The following ZNF843 variants were observed in gnomAD, a reference collection of about 807,000 sequenced individuals.
The protein encoded by ZNF843 is zinc finger protein 843.
For synonymous variants in ZNF843, 185 were observed against 207.7 expected (o/e 0.89, Z 0.94); for missense variants, 482 against 469.4 (o/e 1.03, Z -0.25).
In ZNF843 at chr16:31,437,029, C is replaced by T. The variant is rs1443992483; in HGVS notation, c.-180G>A. The T allele has an allele frequency of 3.3e-6, 2 of 605,934 alleles. No homozygotes were observed. The highest frequency in any genetic ancestry group is 5.7e-5 in the East Asian group (2 of 35,272). 37.5% of individuals were successfully genotyped at this position (605,934 alleles called of 1,614,324 possible). ...CTGGAGAGTTCTCTAATGTAAGACG[C>T]TGGGCAATGTCATCTGAAGGTGTTT... On this transcript the variant is annotated 5_prime_UTR_variant, in exon 2 of 2. Transcript: ENST00000315678.
In ZNF843 at chr16:31,435,902, T is replaced by G. The variant is rs1640901762; in HGVS notation, c.948A>C (p.Arg316=). Residue 316 remains arginine (R), a synonymous_variant, in exon 2 of 2, where the codon CGA becomes CGC. Coordinates refer to ENST00000315678, the MANE Select transcript of ZNF843 (RefSeq NM_001136509.3). ...EARARLQRQC[R]APPPPSNPHW... ...GTGGGTTCGAGGGCGGTGGAGGAGCTCGGCACTGTCGCTGAAGCCTGGCCC... is the reference window on the plus strand; with the variant it reads ...GTGGGTTCGAGGGCGGTGGAGGAGCGCGGCACTGTCGCTGAAGCCTGGCCC... The G allele has an allele frequency of 1.3e-6, 2 of 1,544,334 alleles. No homozygotes were observed. Among genetic ancestry groups the G allele is most frequent in the Non-Finnish European group, 1.7e-6 (2 of 1,143,608 alleles).
chr16:31,442,910 C>T (rs1398710547), upstream of ZNF843: 1 of 152,280 alleles, frequency 6.6e-6, no homozygotes, highest in Non-Finnish European at 1.5e-5. Context: ...TCTCGGGCGT[C>T]CTCCCTAACC....
At position 31,436,471 on chromosome 16, in the gene ZNF843, C is replaced by T. The variant is rs2082181859; in HGVS notation, c.379G>A (p.Gly127Arg). Residue 127 changes from glycine (G) to arginine (R), a missense_variant, in exon 2 of 2, where the codon GGA (glycine) becomes AGA (arginine). Physicochemically the swap from Gly to Arg is moderately radical, Grantham distance 125 (BLOSUM62 -2). Transcript: ENST00000315678. ...GGTGGCCGATCAGCTTCCACCGGTC[C>T]CCAAAAACCTGCTGGTACTGGGGAC... ...RLSPVPAGFWGPVEADRPPAN... is the reference protein window; with the variant it reads ...RLSPVPAGFWRPVEADRPPAN... The T allele has an allele frequency of 1.3e-6, 2 of 1,551,558 alleles. No homozygotes were observed. The highest frequency in any genetic ancestry group is 1.4e-5 in the African/African-American group (1 of 73,066).
chr16:31,436,685 G>A lies in ZNF843; in HGVS notation c.165C>T (p.His55=). 2.6e-6 allele frequency: 4 copies of A among 1,551,318 alleles called. No individual in the cohort carries two copies. The highest frequency in any genetic ancestry group is 1.2e-5 in the South Asian group (1 of 84,064). ...GCGACAAGGTCTCTCGCCAGTCGCT[G>A]TGGACCCGCCAGTGCTGGAGGAGGG... The part of the protein sequence containing the change: ...SASLLQHWRV[H]SDWRETLSLS... Residue 55 remains histidine, a synonymous_variant, in exon 2 of 2, where the codon CAC becomes CAT. Coordinates refer to ENST00000315678, the MANE Select transcript of ZNF843 (RefSeq NM_001136509.3).
chr16:31,442,451 G>C (rs918185377), intron 1 of ZNF843, among the ~76,000 whole-genome samples, 185 bp downstream of exon 1: 3 of 152,206 alleles, frequency 2.0e-5, no homozygotes, highest in South Asian at 2.1e-4. Flanking sequence ...CTCCCGAGTA[G>C]CTGGGACCAC....
At chr16:31,437,468 ATTT>A (rs554255057) in intron 1 of ZNF843, among the ~76,000 whole-genome samples, 10 of 121,528 alleles carry the variant, frequency 8.2e-5, no homozygotes, top group African/African-American at 1.8e-4. Context: ...TAGGCCCAGC[ATTT>A]TTTTTTTTTT....
rs1241010051 is a variant in ZNF843 at position 31,437,016 on chromosome 16, C to G, written c.-167G>C. The G allele has an allele frequency of 1.6e-5, 10 of 637,292 alleles. No homozygotes were observed. The highest frequency in any genetic ancestry group is 2.5e-5 in the Non-Finnish European group (9 of 362,634). 39.5% of individuals were successfully genotyped at this position (637,292 alleles called of 1,614,324 possible). A position where few individuals can be genotyped will look rare whatever the true frequency, so the allele number is the denominator to read the frequency against. ...CCTCGGGGGCTGTCTGGAGAGTTCT[C>G]TAATGTAAGACGCTGGGCAATGTCA... On this transcript the variant is annotated 5_prime_UTR_variant, in exon 2 of 2. An upstream open reading frame in the 5' UTR loses its in-frame stop. Coordinates refer to ENST00000315678, the MANE Select transcript of ZNF843 (RefSeq NM_001136509.3).
rs908089094 is a variant in ZNF843, at chr16:31,436,011, C to T, written c.839G>A (p.Arg280Gln). Residue 280 changes from arginine to glutamine, a missense_variant, in exon 2 of 2, where the codon CGG becomes CAG. Arg to Gln is a conservative substitution (Grantham distance 43). Coordinates refer to ENST00000315678, the MANE Select transcript of ZNF843 (RefSeq NM_001136509.3). ...GTAGCCTGGGGCCTGAACCGCCTCC[C>T]GCGAGTCCCGTCCCGCGCTCGCACA... ...RSCASAGRDS[R>Q]EAVQAPGYPE... 3 of 1,525,094 alleles carry T rather than the reference C, an allele frequency of 2.0e-6. No homozygotes were observed. The highest frequency in any genetic ancestry group is 4.1e-5 in the Admixed American group (2 of 48,388). 94.5% of individuals were successfully genotyped at this position (1,525,094 alleles called of 1,614,324 possible). A position where few individuals can be genotyped will look rare whatever the true frequency, so the allele number is the denominator to read the frequency against.
chr16:31,436,972 A>T lies in ZNF843; in HGVS notation c.-123T>A. 1 of 936,794 alleles carries T rather than the reference A, an allele frequency of 1.1e-6. No homozygotes were observed. The allele number at this position is 936,794 out of a possible 1,614,324, so 58.0% of individuals were successfully genotyped here. ...CGTGGCCACGAGCTCACAGTCTGGGAGCAGCACCCGGCCCCAGGCCTCGGG... is the reference window on the plus strand; with the variant it reads ...CGTGGCCACGAGCTCACAGTCTGGGTGCAGCACCCGGCCCCAGGCCTCGGG... On this transcript the variant is annotated 5_prime_UTR_variant, in exon 2 of 2. Transcript: ENST00000315678.
chr16:31,441,745 C>T (rs1211901442), intron 1 of ZNF843, among the ~76,000 whole-genome samples: 1 of 152,136 alleles, frequency 6.6e-6, no homozygotes, highest in Non-Finnish European at 1.5e-5. Context: ...CCTTGGCTTC[C>T]CGAAGTGCTG....
In ZNF843 at chr16:31,436,278, T is replaced by C; in HGVS notation, c.572A>G (p.Asp191Gly). 5.8e-6 allele frequency: 9 copies of C among 1,549,074 alleles called. 1 individual carries two copies. Among genetic ancestry groups the C allele is most frequent in the Non-Finnish European group, 7.0e-6 (8 of 1,145,630 alleles). ...VSLAPSSVAP[D>G]STSGLRPCGS... ...ACAGGGCCGGAGCCCAGAGGTGCTG[T>C]CCGGGGCGACTGAGCTGGGTGCGAG... Residue 191 changes from aspartate to glycine, a missense_variant, in exon 2 of 2, where the codon GAC becomes GGC. Asp to Gly is a moderately conservative substitution (Grantham distance 94, BLOSUM62 -1). Coordinates refer to ENST00000315678, the MANE Select transcript of ZNF843 (RefSeq NM_001136509.3).
chr16:31,441,587 C>T (rs141984294), intron 1 of ZNF843, among the ~76,000 whole-genome samples: 1 of 152,064 alleles, frequency 6.6e-6, no homozygotes, highest in Admixed American at 6.5e-5. Flanking sequence ...TGGGCTCAAG[C>T]GGTCCTCCCT....
chr16:31,436,144 C>G lies in ZNF843; in HGVS notation c.706G>C (p.Gly236Arg). 1 of 1,547,102 alleles carries G rather than the reference C, an allele frequency of 6.5e-7. No individual in the cohort carries two copies. Among genetic ancestry groups the G allele is most frequent in the South Asian group, 1.2e-5 (1 of 83,364 alleles). ...PLSLQPLVPS[G>R]LPAVPAVPLG... ...GGCACTGCAGGCACTGCGGGAAGGCCGGATGGAACCAGAGGCTGGAGACTG... is the reference window on the plus strand; with the variant it reads ...GGCACTGCAGGCACTGCGGGAAGGCGGGATGGAACCAGAGGCTGGAGACTG... The change falls in exon 2 of 2, where the codon GGC becomes CGC. Residue 236 changes from glycine (G) to arginine (R), a missense_variant. Physicochemically the swap from Gly to Arg is moderately radical, Grantham distance 125. Coordinates refer to ENST00000315678, the MANE Select transcript of ZNF843 (RefSeq NM_001136509.3).
intron 1 of ZNF843, among the ~76,000 whole-genome samples, chr16:31,442,126 C>T (rs1482329641): frequency 6.6e-6 from 1 of 152,300 alleles, no homozygotes; most frequent in East Asian, 1.9e-4. Context: ...GGGTGGACGG[C>T]CGGCCGCAAA....
chr16:31,435,703 G>T lies in ZNF843; in HGVS notation c.*100C>A. On this transcript the variant is annotated 3_prime_UTR_variant, in exon 2 of 2. Coordinates refer to ENST00000315678, the MANE Select transcript of ZNF843 (RefSeq NM_001136509.3). ...GAAAGATCTGCCATACAGAAAAGCC[G>T]TCCTGAGCGGGTCTGTGTGGAGGGA... 1 of 1,211,268 alleles carries T rather than the reference G, an allele frequency of 8.3e-7. No homozygotes were observed. Among genetic ancestry groups the T allele is most frequent in the Non-Finnish European group, 1.1e-6 (1 of 904,840 alleles). 75.0% of individuals were successfully genotyped at this position (1,211,268 alleles called of 1,614,324 possible).
rs1231916379 is a variant in ZNF843, at chr16:31,436,574, C to G, written c.276G>C (p.Ala92=). ...ASPLGRSHSS[A]GVRQGFSGQL... ...GGCCGCTAAACCCTTGCCGCACTCCCGCAGACGAATGGCTTCTCCCGAGTG... is the reference window on the plus strand; with the variant it reads ...GGCCGCTAAACCCTTGCCGCACTCCGGCAGACGAATGGCTTCTCCCGAGTG... The change falls in exon 2 of 2, where the codon GCG becomes GCC. Residue 92 remains alanine (A), a synonymous_variant. Transcript: ENST00000315678. 6.4e-7 allele frequency: 1 copy of G among 1,550,668 alleles called. No homozygotes were observed. The highest frequency in any genetic ancestry group is 8.7e-7 in the Non-Finnish European group (1 of 1,146,322).
At chr16:31,439,286 C>T (rs2082193669) in intron 1 of ZNF843, among the ~76,000 whole-genome samples, 1 of 152,192 alleles carries the variant, frequency 6.6e-6, no homozygotes, top group African/African-American at 2.4e-5. Context: ...TGGAGTCTCA[C>T]ACATTGCTGG....
chr16:31,441,067 C>T (rs1416270862), intron 1 of ZNF843, among the ~76,000 whole-genome samples: 1 of 152,228 alleles, frequency 6.6e-6, no homozygotes. Context: ...ATTCCCCTCT[C>T]TTCCAATGGA....
At position 31,435,795 on chromosome 16, in the gene ZNF843, C is replaced by T. The variant is rs1018665564; in HGVS notation, c.*8G>A. On this transcript the variant is annotated 3_prime_UTR_variant, in exon 2 of 2. Coordinates refer to ENST00000315678, the MANE Select transcript of ZNF843 (RefSeq NM_001136509.3). ...CAATTCCACCCAGGGCTGCAGCACG[C>T]TGGTTCTTCAGTGTCGGGCCAGGTT... is the stretch of plus-strand genomic sequence containing the variant. 1 of 1,448,200 alleles carries T rather than the reference C, an allele frequency of 6.9e-7. No homozygotes were observed. Among genetic ancestry groups the T allele is most frequent in the Non-Finnish European group, 9.1e-7 (1 of 1,097,068 alleles). 89.7% of individuals were successfully genotyped at this position (1,448,200 alleles called of 1,614,324 possible).
Sources: allele counts gnomAD v4.1 joint callset (sites outside exome capture counted in the v4.1 genomes callset), GRCh38; gene constraint gnomAD v4.1.1; transcripts MANE v1.5; gene names NCBI Gene and HGNC (gene_info 2026-07-23, HGNC 2026-07-21).